Variants in MTHFD1L observed in about 807,000 individuals in gnomAD.
MTHFD1L encodes monofunctional C1-tetrahydrofolate synthase, mitochondrial.
Under a neutral mutation model 119.5 loss-of-function variants are expected in MTHFD1L, and 81 were observed. The observed-to-expected ratio is 0.68, with a 90% confidence interval of 0.57 to 0.82. MTHFD1L has a LOEUF of 0.82. MTHFD1L is among the 40% of genes least tolerant of loss of function. The pLI is 0.00. For synonymous variants in MTHFD1L, 430 were observed against 475.2 expected, an observed-to-expected ratio of 0.90 and a Z score of 1.24; for missense variants, 1,125 against 1,253.4, an observed-to-expected ratio of 0.90 and a Z score of 1.55.
chr6:151,033,163 G>C (rs1785593210), intron 24 of MTHFD1L, among the ~76,000 whole-genome samples: 1 of 150,592 alleles, frequency 6.6e-6, no homozygotes, highest in Admixed American at 6.6e-5. Flanking sequence ...CTGTCACCCA[G>C]GCTTGAAGTG....
intron 26 of MTHFD1L, 53 bp from the exon 27 acceptor site, chr6:151,092,414 T>C: frequency 1.4e-6 from 2 of 1,405,744 alleles, no homozygotes; most frequent in Admixed American, 1.8e-5. Flanking sequence ...CATCAGATGT[T>C]GTGGCCGCTT....
intron 7 of MTHFD1L, among the ~76,000 whole-genome samples, chr6:150,897,411 TATAATA>T (rs753731548): frequency 2.0e-5 from 3 of 152,212 alleles, no homozygotes; most frequent in Non-Finnish European, 2.9e-5. Context: ...TTCTCATAGA[TATAATA>T]GTATAAATGG....
chr6:150,906,401 C>A (rs1447739148), intron 8 of MTHFD1L, among the ~76,000 whole-genome samples: 2 of 152,224 alleles, frequency 1.3e-5, no homozygotes, highest in Non-Finnish European at 2.9e-5. Context: ...ACAGGGCAGC[C>A]AGCAGCCCCG....
In MTHFD1L at chr6:150,882,864, A is replaced by G. The variant is rs141973185; in HGVS notation, c.520A>G (p.Lys174Glu). ...LFSNKVLNAL[K>E]PEKDVDGVTD... ...TAGCAACAAAGTCCTCAATGCCTTG[A>G]AACCAGAAAAAGATGTGGATGGGTA... Residue 174 changes from lysine to glutamate, a missense_variant, in exon 5 of 28, where the codon AAA becomes GAA. By Grantham distance (56) the Lys-to-Glu change is moderately conservative. Coordinates refer to ENST00000367321, the MANE Select transcript of MTHFD1L (RefSeq NM_015440.5). The G allele has an allele frequency of 6.0e-5, 95 of 1,573,550 alleles. No individual in the cohort carries two copies. Among genetic ancestry groups the G allele is most frequent in the Non-Finnish European group, 8.0e-5 (94 of 1,168,124 alleles).
intron 5 of MTHFD1L, 42 bp from the exon 6 acceptor site, chr6:150,885,592 G>T: frequency 6.0e-6 from 9 of 1,493,216 alleles, no homozygotes; most frequent in Admixed American, 1.7e-5. Flanking sequence ...GATTTTTTTG[G>T]CTGGGCTTTG....
intron 2 of MTHFD1L, among the ~76,000 whole-genome samples, chr6:150,877,410 G>A (rs1780631128): frequency 6.6e-6 from 1 of 152,138 alleles, no homozygotes; most frequent in Non-Finnish European, 1.5e-5. Context: ...TAATAGGAGG[G>A]ATATTATTTT....
intron 7 of MTHFD1L, among the ~76,000 whole-genome samples, chr6:150,896,559 G>A (rs1784257359): frequency 6.6e-6 from 1 of 152,192 alleles, no homozygotes; most frequent in African/African-American, 2.4e-5. Flanking sequence ...CAGGTCATCA[G>A]TAGTGTGGAA....
intron 24 of MTHFD1L, among the ~76,000 whole-genome samples, chr6:151,025,148 A>G (rs755176704): frequency 1.8e-4 from 27 of 152,102 alleles, no homozygotes; most frequent in Non-Finnish European, 3.4e-4. Context: ...CCCTCACCGC[A>G]CCCCAGGTTT....
At chr6:150,885,955 A>C (rs1485039352) in intron 6 of MTHFD1L, among the ~76,000 whole-genome samples, 1 of 152,240 alleles carries the variant, frequency 6.6e-6, no homozygotes, top group Non-Finnish European at 1.5e-5. Context: ...GAATACCTAG[A>C]AACTTTTTCT....
intron 5 of MTHFD1L, among the ~76,000 whole-genome samples, chr6:150,885,031 G>A (rs1018556894): frequency 8.5e-5 from 13 of 152,222 alleles, no homozygotes; most frequent in African/African-American, 2.4e-4. Context: ...CTGGAGTTGC[G>A]AAGTGAAGCC....
chr6:150,988,611 G>C (rs1030004051), intron 20 of MTHFD1L, among the ~76,000 whole-genome samples: 6 of 151,274 alleles, frequency 4.0e-5, no homozygotes, highest in South Asian at 2.1e-4. Flanking sequence ...TTTTTGTGGG[G>C]GGGGCGGGAG....
Position 150,935,445 on chromosome 6 carries a change from C to T in MTHFD1L, c.1257-1359C>T, listed in dbSNP as rs573044271. The T allele has an allele frequency of 1.4e-5, 23 of 1,613,050 alleles. No individual in the cohort carries two copies. The African/African-American group carries it at 1.9e-4, about 13-fold the overall frequency. ...GCAATGGGTGAACTGAGCTCATCAG[C>T]TCCTTGGCATTTGTAGCCTACCTGT... On this transcript the variant is annotated intron_variant, in intron 11 of 27. Coordinates refer to ENST00000367321, the MANE Select transcript of MTHFD1L (RefSeq NM_015440.5).
At chr6:151,018,672 G>A (rs1477752656) in intron 24 of MTHFD1L, among the ~76,000 whole-genome samples, 1 of 152,150 alleles carries the variant, frequency 6.6e-6, no homozygotes, top group African/African-American at 2.4e-5. Flanking sequence ...TGTGTGTATT[G>A]GAGGTCTGGG....
At chr6:150,909,134 A>C (rs1258769665) in intron 8 of MTHFD1L, among the ~76,000 whole-genome samples, 1 of 152,158 alleles carries the variant, frequency 6.6e-6, no homozygotes, top group African/African-American at 2.4e-5. Context: ...AATATCCCAG[A>C]CACAGAGCTC....
intron 25 of MTHFD1L, among the ~76,000 whole-genome samples, chr6:151,035,141 T>C (rs894743519): frequency 2.0e-5 from 3 of 152,196 alleles, no homozygotes; most frequent in African/African-American, 7.2e-5. Flanking sequence ...CTTCTACCTC[T>C]AGCCACTGAC....
intron 27 of MTHFD1L, among the ~76,000 whole-genome samples, chr6:151,097,557 A>G (rs1468866590): frequency 1.3e-5 from 2 of 152,246 alleles, no homozygotes; most frequent in African/African-American, 2.4e-5. Flanking sequence ...GCTTACCCTC[A>G]TAGACAGAAT....
At chr6:150,902,739 C>A (rs945734271) in intron 7 of MTHFD1L, among the ~76,000 whole-genome samples, 5 of 152,064 alleles carry the variant, frequency 3.3e-5, no homozygotes, top group Admixed American at 2.6e-4. Flanking sequence ...AATGAGATTT[C>A]CAAGATTTAT....
chr6:151,001,039 C>T (rs497161), intron 20 of MTHFD1L, among the ~76,000 whole-genome samples: 69,401 of 151,990 alleles, frequency 0.46, 17,230 homozygotes, highest in African/African-American at 0.66. Flanking sequence ...TAGCCAGATA[C>T]GCCCCGTGCG....
At chr6:151,029,514 A>G (rs1234298579) in intron 24 of MTHFD1L, among the ~76,000 whole-genome samples, 1 of 151,672 alleles carries the variant, frequency 6.6e-6, no homozygotes, top group African/African-American at 2.4e-5. Context: ...ATAACAAATC[A>G]GGCCAGGCAC....
Sources: gnomAD v4.1 joint callset for allele counts (sites outside exome capture counted in the v4.1 genomes callset) on GRCh38, gnomAD v4.1.1 for gene constraint, MANE v1.5 for transcripts, NCBI Gene and HGNC (gene_info 2026-07-23, HGNC 2026-07-21) for gene names.